Variants in DIPK1A observed in about 807,000 individuals in gnomAD.
DIPK1A encodes divergent protein kinase domain 1A, also known as family with sequence similarity 69 member A.
A neutral mutation model predicts 40.8 loss-of-function variants in DIPK1A; 27 were observed. The observed-to-expected ratio is 0.66, with a 90% CI of 0.49 to 0.91. DIPK1A has a LOEUF of 0.91. Ranked by LOEUF, DIPK1A falls within the 40% of genes least tolerant of loss-of-function variation. The pLI, the probability that DIPK1A is intolerant of heterozygous loss-of-function variation, is 0.00. For synonymous variants in DIPK1A, 166 were observed against 171.3 expected, an observed-to-expected ratio of 0.97 and a Z score of 0.24; for missense variants, 412 against 505.7, an observed-to-expected ratio of 0.81 and a Z score of 1.78.
intron 2 of DIPK1A, among the ~76,000 whole-genome samples, chr1:92,860,355 A>G (rs1368932367): frequency 1.3e-5 from 2 of 152,108 alleles, no homozygotes; most frequent in African/African-American, 4.8e-5. Flanking sequence ...CGCTGGCCTA[A>G]GAGACCACGT....
At chr1:92,837,288 T>A (rs776791785), downstream of DIPK1A, 27 of 779,814 alleles carry the variant, frequency 3.5e-5, no homozygotes, top group Non-Finnish European at 5.5e-5. Context: ...AGAGATGAGC[T>A]GCTGAATGAT....
chr1:92,852,210 T>A (rs1687845456), intron 2 of DIPK1A, among the ~76,000 whole-genome samples: 1 of 152,026 alleles, frequency 6.6e-6, no homozygotes, highest in Non-Finnish European at 1.5e-5. Context: ...ATAAAAAAAA[T>A]TTTCTAGGCA....
intron 1 of DIPK1A, among the ~76,000 whole-genome samples, chr1:92,897,155 G>T (rs1300055463): frequency 1.3e-5 from 2 of 152,176 alleles, no homozygotes; most frequent in East Asian, 3.9e-4. Flanking sequence ...CCATTACTGG[G>T]TATATACCCA....
At chr1:92,879,109 G>A (rs556663574) in intron 1 of DIPK1A, among the ~76,000 whole-genome samples, 1 of 152,178 alleles carries the variant, frequency 6.6e-6, no homozygotes, top group African/African-American at 2.4e-5. Flanking sequence ...GAGCCTGGGA[G>A]GCAGAGGTTG....
At chr1:92,834,504 C>T (rs1043183947) in intron 4 of DIPK1A, among the ~76,000 whole-genome samples, 3 of 152,180 alleles carry the variant, frequency 2.0e-5, no homozygotes, top group East Asian at 1.9e-4. Flanking sequence ...GCATTGTCTT[C>T]CTCCGTACCC....
rs1687118826 is a variant in DIPK1A, at chr1:92,836,218, T to C, written c.475-3184A>G. 6.2e-7 allele frequency: 1 copy of C among 1,612,880 alleles called. No individual in the cohort carries two copies. The highest frequency in any genetic ancestry group is 1.3e-5 in the African/African-American group (1 of 75,026). On this transcript the variant is annotated intron_variant, in intron 4 of 4. Coordinates refer to the DIPK1A transcript ENST00000615519. The stretch of plus-strand genomic sequence containing the variant: ...CTCAATAGGTTTGGCATGGACAAGA[T>C]CTATGAAGGCCAAGTGGAGGTGACT...
chr1:92,853,914 T>G (rs1359413775), intron 2 of DIPK1A, among the ~76,000 whole-genome samples: 1 of 152,038 alleles, frequency 6.6e-6, no homozygotes, highest in East Asian at 1.9e-4. Flanking sequence ...TGAGACAGAG[T>G]CTCACTCTGT....
At chr1:92,839,814 A>C (rs11586570), downstream of DIPK1A, among the ~76,000 whole-genome samples, 30,716 of 151,564 alleles carry the variant, frequency 0.2, 3,678 homozygotes, top group Non-Finnish European at 0.27. Context: ...AATTTCTCAG[A>C]AGTACATGCA....
At chr1:92,940,016 G>A (rs1651092203) in intron 1 of DIPK1A, among the ~76,000 whole-genome samples, 1 of 151,952 alleles carries the variant, frequency 6.6e-6, no homozygotes, top group South Asian at 2.1e-4. Flanking sequence ...AATCCTTTAA[G>A]TACCTGTATA....
intron 4 of DIPK1A, chr1:92,833,344 T>A (rs1256917219): frequency 4.8e-6 from 7 of 1,455,972 alleles, no homozygotes; most frequent in Non-Finnish European, 6.7e-6. Context: ...AAAAGTATCA[T>A]AGGCTAAGAC....
At chr1:92,902,414 A>G (rs1358582811) in intron 1 of DIPK1A, among the ~76,000 whole-genome samples, 3 of 152,028 alleles carry the variant, frequency 2.0e-5, no homozygotes, top group Non-Finnish European at 4.4e-5. Context: ...GATGAAGGGG[A>G]GCTGTGGCTA....
chr1:92,879,007 AAAAAATAAAAAT>A (rs919045666), intron 1 of DIPK1A, among the ~76,000 whole-genome samples: 4 of 151,964 alleles, frequency 2.6e-5, no homozygotes, highest in African/African-American at 9.7e-5. Flanking sequence ...ACTCCATCTC[AAAAAATAAAAAT>A]AAAAATAAAA....
In DIPK1A at chr1:92,843,259, T is replaced by C; in HGVS notation, c.*124A>G. 1.4e-6 allele frequency: 2 copies of C among 1,445,206 alleles called. No individual in the cohort carries two copies. The highest frequency in any genetic ancestry group is 9.1e-7 in the Non-Finnish European group (1 of 1,099,838). 89.5% of individuals were successfully genotyped at this position (1,445,206 alleles called of 1,614,324 possible). A position where few individuals can be genotyped will look rare whatever the true frequency, so the allele number is the denominator to read the frequency against. On this transcript the variant is annotated 3_prime_UTR_variant, in exon 5 of 5. Transcript: ENST00000370310. ...CTTCAGTGATCACATACTGATGGCT[T>C]CTCAGGCCTGGGGGGAAGGAGTTTT...
At chr1:92,928,748 G>GC (rs1415889380) in intron 1 of DIPK1A, among the ~76,000 whole-genome samples, 2 of 152,166 alleles carry the variant, frequency 1.3e-5, no homozygotes, top group Non-Finnish European at 2.9e-5. Context: ...GATCGCTTGA[G>GC]CTCAGGGGTT....
chr1:92,844,471 ATAGT>A (rs772947739), intron 4 of DIPK1A, among the ~76,000 whole-genome samples: 13 of 152,174 alleles, frequency 8.5e-5, no homozygotes, highest in Non-Finnish European at 1.3e-4. Flanking sequence ...GGCCCCTTAG[ATAGT>A]TAACCAACAA....
At chr1:92,848,961 A>C (rs1324470920) in intron 3 of DIPK1A, among the ~76,000 whole-genome samples, 3 of 152,126 alleles carry the variant, frequency 2.0e-5, no homozygotes, top group Non-Finnish European at 4.4e-5. Flanking sequence ...ATTTTCTTCT[A>C]CCCCAATTAG....
At chr1:92,907,882 T>G (rs1051783248) in intron 1 of DIPK1A, among the ~76,000 whole-genome samples, 34 of 152,108 alleles carry the variant, frequency 2.2e-4, no homozygotes, top group African/African-American at 7.7e-4. Flanking sequence ...TATATATTTT[T>G]TTGAGACAGG....
rs143647269 is a variant in DIPK1A, at chr1:92,921,186, C to A, written c.54+40190G>T. 5.9e-5 allele frequency among the ~76,000 whole-genome samples: 9 copies of A among 152,168 alleles called. 2 individuals are homozygous for A. Among genetic ancestry groups the A allele is most frequent in the African/African-American group, 2.2e-4 (9 of 41,518 alleles). On this transcript the variant is annotated intron_variant, in intron 1 of 4. Transcript: ENST00000370310. The stretch of plus-strand genomic sequence containing the variant: ...AGTATTTTTTTTTAATCCCAAGTTG[C>A]TTTGTTCTAGGTTGCATAAGAAAAG...
intron 1 of DIPK1A, among the ~76,000 whole-genome samples, chr1:92,898,891 T>C (rs1359622560): frequency 6.6e-6 from 1 of 152,016 alleles, no homozygotes; most frequent in Non-Finnish European, 1.5e-5. Flanking sequence ...CCTTCCCGAG[T>C]AGCTGCGACC....
Sources: allele counts gnomAD v4.1 joint callset (sites outside exome capture counted in the v4.1 genomes callset), GRCh38; gene constraint gnomAD v4.1.1; transcripts MANE v1.5; gene names NCBI Gene and HGNC (gene_info 2026-07-23, HGNC 2026-07-21).